The following TSHZ3 variants were observed in gnomAD, a reference collection of about 807,000 sequenced individuals.
TSHZ3 encodes the protein teashirt homolog 3.
In TSHZ3, 10 loss-of-function variants were observed where a neutral mutation model predicts 64.5. The observed-to-expected ratio is 0.16, with a 90% CI of 0.10 to 0.26. The LOEUF (loss-of-function observed/expected upper bound fraction) is 0.26, where lower values mean the gene tolerates loss of function less well. TSHZ3 is among the 10% of genes least tolerant of loss of function. TSHZ3 has a pLI of 1.00. For synonymous variants in TSHZ3, 608 were observed against 593.1 expected, an observed-to-expected ratio of 1.03 and a Z score of -0.36; for missense variants, 1,242 against 1,421.7, an observed-to-expected ratio of 0.87 and a Z score of 2.03.
rs749100762 is a variant in TSHZ3, at chr19:31,276,976, G to A, written c.2817C>T (p.Thr939=). 24 of 1,613,622 alleles carry A rather than the reference G, an allele frequency of 1.5e-5. No individual in the cohort carries two copies. The highest frequency in any genetic ancestry group is 1.3e-4 in the South Asian group (12 of 91,066). ...PQERMHISRF[T]GLSMTTISHW... is the part of the protein sequence containing the mutation. ...GGCTGATGGTGGTCATGGACAGCCC[G>A]GTGAACCTGGAGATATGCATCCGCT... Residue 939 remains threonine, a synonymous_variant, in exon 2 of 2, where the codon ACC becomes ACT. Transcript: ENST00000240587.
At chr19:31,280,652 C>G (rs906047713) in intron 1 of TSHZ3, among the ~76,000 whole-genome samples, 1 of 152,206 alleles carries the variant, frequency 6.6e-6, no homozygotes. Context: ...CTTTAGACTA[C>G]TTTGTCAATA....
chr19:31,261,943 G>C (rs1333250149), intron 1 of TSHZ3, among the ~76,000 whole-genome samples: 2 of 152,090 alleles, frequency 1.3e-5, no homozygotes, highest in African/African-American at 4.8e-5. Context: ...ATTCTCCTAT[G>C]GTGGCAAACT....
At chr19:31,205,990 T>C (rs116737296) in intron 4 of TSHZ3, among the ~76,000 whole-genome samples, 1 of 151,912 alleles carries the variant, frequency 6.6e-6, no homozygotes, top group South Asian at 2.1e-4. Context: ...AGTGGATGAA[T>C]AGATGGGTGG....
intron 1 of TSHZ3, among the ~76,000 whole-genome samples, chr19:31,297,566 C>T (rs1976686674): frequency 1.3e-5 from 2 of 152,240 alleles, no homozygotes; most frequent in East Asian, 1.9e-4. Context: ...CAGCCTTGAA[C>T]TGATCCTCGT....
chr19:31,291,798 G>C (rs936619652), intron 1 of TSHZ3, among the ~76,000 whole-genome samples: 8 of 152,196 alleles, frequency 5.3e-5, no homozygotes, highest in African/African-American at 1.9e-4. Context: ...GTGTGCCCTG[G>C]AGGAGTGCTT....
At chr19:31,183,603 T>C (rs1453764143) in intron 5 of TSHZ3, among the ~76,000 whole-genome samples, 5 of 151,996 alleles carry the variant, frequency 3.3e-5, no homozygotes, top group Non-Finnish European at 7.4e-5. Flanking sequence ...GGGAACCAGG[T>C]GTGTTAGGGG....
chr19:31,230,412 T>C (rs943607540), intron 3 of TSHZ3, among the ~76,000 whole-genome samples: 15 of 152,134 alleles, frequency 9.9e-5, no homozygotes, highest in Admixed American at 9.8e-4. Flanking sequence ...GTGTTGGTGA[T>C]TTTCATTATT....
At chr19:31,250,113 C>T (rs1438277113) in intron 1 of TSHZ3, among the ~76,000 whole-genome samples, 1 of 152,168 alleles carries the variant, frequency 6.6e-6, no homozygotes, top group Admixed American at 6.5e-5. Flanking sequence ...CAGGCACAGC[C>T]AAATCTTTCT....
At chr19:31,226,475 C>T (rs1338668888) in intron 4 of TSHZ3, among the ~76,000 whole-genome samples, 1 of 152,102 alleles carries the variant, frequency 6.6e-6, no homozygotes, top group African/African-American at 2.4e-5. Context: ...TGCCTTTTGC[C>T]TTTTGCCATG....
At chr19:31,212,390 G>A (rs763731679) in intron 4 of TSHZ3, among the ~76,000 whole-genome samples, 10 of 152,048 alleles carry the variant, frequency 6.6e-5, no homozygotes, top group African/African-American at 1.4e-4. Context: ...CCTGGAAGTC[G>A]GAGGTTGCAG....
chr19:31,340,520 C>T (rs530554998), intron 1 of TSHZ3, among the ~76,000 whole-genome samples: 6 of 102,456 alleles, frequency 5.9e-5, no homozygotes, highest in African/African-American at 1.5e-4. Context: ...AAGGGGTGGG[C>T]GGCGGGCAGG....
At chr19:31,205,543 C>T (rs1975154612) in intron 4 of TSHZ3, among the ~76,000 whole-genome samples, 1 of 152,210 alleles carries the variant, frequency 6.6e-6, no homozygotes. Flanking sequence ...ACCTCAGCAG[C>T]TTTCATTCCT....
intron 1 of TSHZ3, among the ~76,000 whole-genome samples, chr19:31,282,524 G>A (rs959870316): frequency 1.5e-4 from 23 of 152,058 alleles, no homozygotes; most frequent in South Asian, 2.1e-4. Context: ...CCACCCAGGG[G>A]CAATGCATCT....
chr19:31,176,021 G>A (rs1974601816), intron 5 of TSHZ3, among the ~76,000 whole-genome samples: 1 of 152,244 alleles, frequency 6.6e-6, no homozygotes, highest in South Asian at 2.1e-4. Flanking sequence ...ATGAGGGGCT[G>A]CAACTTGGGT....
intron 3 of TSHZ3, among the ~76,000 whole-genome samples, chr19:31,229,384 C>T (rs565538357): frequency 6.3e-4 from 96 of 152,166 alleles, no homozygotes; most frequent in African/African-American, 2.2e-3. Context: ...GAATCTATTC[C>T]ATAATAGGAG....
chr19:31,177,954 A>T (rs1337508161), intron 5 of TSHZ3, among the ~76,000 whole-genome samples: 3 of 152,144 alleles, frequency 2.0e-5, no homozygotes, highest in Non-Finnish European at 4.4e-5. Flanking sequence ...GCTTCCCCTC[A>T]TCTACTTTTG....
At chr19:31,327,350 A>T (rs1275913538) in intron 1 of TSHZ3, among the ~76,000 whole-genome samples, 3 of 152,196 alleles carry the variant, frequency 2.0e-5, no homozygotes, top group Non-Finnish European at 2.9e-5. Flanking sequence ...CATGTGAGAG[A>T]TAGTAAAATA....
intron 3 of TSHZ3, among the ~76,000 whole-genome samples, chr19:31,240,914 A>C (rs1975680194): frequency 1.3e-5 from 2 of 152,146 alleles, no homozygotes; most frequent in African/African-American, 4.8e-5. Context: ...TTTTCTATTC[A>C]ATCATTAGGA....
In TSHZ3 at chr19:31,159,701, C is replaced by CT. The variant is rs34888567; in HGVS notation, n.810-3285dup. ...TTATGAAGTGACTTTTATTTTTTTT[C>CT]TTTTTTTTTCAGATAGGTTCTCATT... On this transcript the variant is annotated intron_variant and non_coding_transcript_variant, in intron 5 of 6. Transcript: ENST00000651361. Among the ~76,000 whole-genome samples, 11 of 150,484 alleles carry CT rather than the reference C, an allele frequency of 7.3e-5. No homozygotes were observed. The South Asian group carries it at 8.5e-4, about 12-fold the overall frequency.
Sources: allele counts gnomAD v4.1 joint callset (sites outside exome capture counted in the v4.1 genomes callset), GRCh38; gene constraint gnomAD v4.1.1; transcripts MANE v1.5; gene names NCBI Gene and HGNC (gene_info 2026-07-23, HGNC 2026-07-21).